Variants in UBOX5 observed in about 807,000 individuals in gnomAD.
UBOX5 encodes RING finger protein 37.
A neutral mutation model predicts 39.0 loss-of-function variants in UBOX5; 28 were observed. The observed-to-expected ratio is 0.72, with a 90% CI of 0.53 to 0.98. The LOEUF is 0.98. UBOX5 is among the 50% of genes least tolerant of loss of function. The probability of loss-of-function intolerance (pLI) is 0.00; values close to 1 mark genes in which losing one functional copy is unlikely to be tolerated. For synonymous variants in UBOX5, 283 were observed against 275.5 expected (o/e 1.03, Z -0.27); for missense variants, 585 against 674.4 (o/e 0.87, Z 1.47).
rs1568470516 is a variant in UBOX5, at chr20:3,121,469, C to A, written c.1170G>T (p.Leu390Phe). 1 of 1,614,008 alleles carries A rather than the reference C, an allele frequency of 6.2e-7. No individual in the cohort carries two copies. The highest frequency in any genetic ancestry group is 2.2e-5 in the East Asian group (1 of 44,870). ...NASCFSATSP[L>F]VLPTTSEHTA... ...TGTGCTCTGAGGTAGTGGGTAAGAC[C>A]AAAGGGCTTGTGGCAGAAAAACAGG... is the stretch of plus-strand genomic sequence containing the variant. The change falls in exon 3 of 5, where the codon TTG (leucine) becomes TTT (phenylalanine). Residue 390 changes from leucine to phenylalanine, a missense_variant. By Grantham distance (22) the Leu-to-Phe change is conservative (BLOSUM62 0). Transcript: ENST00000217173.
chr20:3,155,052 C>CAAAAAAAAAA (rs11326176), intron 1 of UBOX5, among the ~76,000 whole-genome samples: 8 of 96,048 alleles, frequency 8.3e-5, no homozygotes, highest in East Asian at 2.9e-4. Context: ...GACACAGTCT[C>CAAAAAAAAAA]AAAAAAAAAA....
In UBOX5 at chr20:3,137,307, A is replaced by AG. The variant is rs575884693; in HGVS notation, c.-41-13902dup. Among the ~76,000 whole-genome samples the AG allele has an allele frequency of 5.0e-3, 758 of 152,306 alleles. 4 individuals are homozygous for AG. Among genetic ancestry groups the AG allele is most frequent in the African/African-American group, 0.017 (708 of 41,558 alleles). ...TAAAGATAATTGTAGACTCATGTGT[A>AG]GTTGTTAAAAAACAATACAGAGAGA... On this transcript the variant is annotated intron_variant, in intron 1 of 4. Transcript: ENST00000217173.
intron 1 of UBOX5, among the ~76,000 whole-genome samples, chr20:3,140,314 A>G (rs1296531306): frequency 2.0e-5 from 3 of 152,092 alleles, no homozygotes; most frequent in Non-Finnish European, 4.4e-5. Context: ...TGAGTGAGCC[A>G]CCGCACCCAG....
chr20:3,130,374 G>A (rs1379327872), intron 1 of UBOX5, among the ~76,000 whole-genome samples: 1 of 134,592 alleles, frequency 7.4e-6, no homozygotes, highest in Non-Finnish European at 1.5e-5. Flanking sequence ...TCACTATGTT[G>A]CCCAGGCTGG....
In UBOX5 at chr20:3,108,733, G is replaced by C. The variant is rs144137024; in HGVS notation, c.*1373C>G. The C allele has an allele frequency of 6.6e-6, 1 of 151,888 alleles. No homozygotes were observed. The highest frequency in any genetic ancestry group is 2.4e-5 in the African/African-American group (1 of 41,272). The allele number at this position is 151,888 out of a possible 1,614,324, so 9.4% of individuals were successfully genotyped here. On this transcript the variant is annotated 3_prime_UTR_variant, in exon 5 of 5. Transcript: ENST00000217173. Reference sequence around the variant, plus strand: ...GGATCGCTTGAGCCCAGGAGTTTGAGACCAGTCTGGACAACATAGCAAGAC... The same window carrying C: ...GGATCGCTTGAGCCCAGGAGTTTGACACCAGTCTGGACAACATAGCAAGAC...
At chr20:3,139,294 GT>G (rs764682115) in intron 1 of UBOX5, among the ~76,000 whole-genome samples, 1 of 152,198 alleles carries the variant, frequency 6.6e-6, no homozygotes, top group Non-Finnish European at 1.5e-5. Flanking sequence ...GAAGCCTGCA[GT>G]TTTATACCAC....
intron 3 of UBOX5, among the ~76,000 whole-genome samples, chr20:3,120,511 G>A (rs1036719240): frequency 4.6e-5 from 7 of 151,182 alleles, no homozygotes; most frequent in African/African-American, 1.7e-4. Flanking sequence ...AGCCAGGCGT[G>A]GTGGCGGGCG....
Position 3,149,081 on chromosome 20 carries a change from G to T in UBOX5, c.-42+10685C>A. ...GAGAGTAGCTGCCATTCTGGTGTCA[G>T]TATTGATCTCTTTGGCAGTCAGAAT... On this transcript the variant is annotated intron_variant, in intron 1 of 4. Transcript: ENST00000217173. This position sits in a 1 kb window ranked among gnomAD's most constrained non-coding sequence, Gnocchi z 4.1. 1 of 1,598,410 alleles carries T rather than the reference G, an allele frequency of 6.3e-7. No individual in the cohort carries two copies. Among genetic ancestry groups the T allele is most frequent in the Non-Finnish European group, 8.5e-7 (1 of 1,171,878 alleles).
intron 1 of UBOX5, among the ~76,000 whole-genome samples, chr20:3,155,903 A>C (rs903798770): frequency 6.6e-6 from 1 of 152,222 alleles, no homozygotes; most frequent in Non-Finnish European, 1.5e-5. Flanking sequence ...CTCTATAGAA[A>C]CTGTATCTAC....
rs539053077 is a variant in UBOX5 at position 3,143,184 on chromosome 20, T to C, written c.-42+16582A>G. Among the ~76,000 whole-genome samples, 196 of 139,262 alleles carry C rather than the reference T, an allele frequency of 1.4e-3. 1 individual carries two copies. Among genetic ancestry groups the C allele is most frequent in the African/African-American group, 5.0e-3 (189 of 37,506 alleles). The allele number at this position is 139,262 out of a possible 152,430, so 91.4% of individuals were successfully genotyped here. A position where few individuals can be genotyped will look rare whatever the true frequency, so the allele number is the denominator to read the frequency against. ...GTACAGTGGCATGATCTCAACTCAA[T>C]GCAACCTCTCTGCCTCCTAGGCTCA... is the stretch of plus-strand genomic sequence containing the variant. On this transcript the variant is annotated intron_variant, in intron 1 of 4. Coordinates refer to ENST00000217173, the MANE Select transcript of UBOX5 (RefSeq NM_014948.4).
At chr20:3,146,950 A>G (rs774739229) in intron 1 of UBOX5, 26 of 1,614,074 alleles carry the variant, frequency 1.6e-5, no homozygotes, top group Non-Finnish European at 2.1e-5. Flanking sequence ...AGCCATAGCA[A>G]TACTGGTTCC....
In UBOX5 at chr20:3,110,220, G is replaced by T; in HGVS notation, c.1512C>A (p.Cys504Ter). ...GGCAGGGTCGGCACAGGAGGTGGCC[G>T]CAGGGCAGCTGGTACACCGGCTCCT... is the stretch of plus-strand genomic sequence containing the variant. ...FKKEPVYQLP[C>*]GHLLCRPCLG... The change falls in exon 5 of 5, where the codon TGC (cysteine) becomes TGA (stop). Residue 504 changes from cysteine (C) to a stop codon, truncating the protein, a stop_gained. Coordinates refer to ENST00000217173, the MANE Select transcript of UBOX5 (RefSeq NM_014948.4). LOFTEE classifies it high-confidence loss of function. The T allele has an allele frequency of 1.2e-6, 2 of 1,614,042 alleles. No homozygotes were observed. The highest frequency in any genetic ancestry group is 1.7e-6 in the Non-Finnish European group (2 of 1,180,014).
At chr20:3,144,443 G>T (rs1467672233) in intron 1 of UBOX5, among the ~76,000 whole-genome samples, 1 of 152,120 alleles carries the variant, frequency 6.6e-6, no homozygotes, top group Non-Finnish European at 1.5e-5. Flanking sequence ...GCAAAAGAAT[G>T]AAGTTGGACT....
At chr20:3,125,076 C>T (rs1053396525) in intron 1 of UBOX5, among the ~76,000 whole-genome samples, 2 of 148,946 alleles carry the variant, frequency 1.3e-5, no homozygotes, top group Non-Finnish European at 3.0e-5. Context: ...GCCTGGCCGC[C>T]CCATCTGGGA....
At chr20:3,111,162 C>T (rs937589246) in intron 4 of UBOX5, among the ~76,000 whole-genome samples, 1 of 152,236 alleles carries the variant, frequency 6.6e-6, no homozygotes, top group African/African-American at 2.4e-5. Flanking sequence ...ACCCACGGCT[C>T]TTCCTTTCCT....
Position 3,157,119 on chromosome 20 carries a change from C to A in UBOX5, c.-42+2647G>T, listed in dbSNP as rs115161444. ...CTACCAAAAAAAAAGGGCAAAAAAACCGAACTTTCTCTAGGTGCTGAGGTA... is the reference window on the plus strand; with the variant it reads ...CTACCAAAAAAAAAGGGCAAAAAAAACGAACTTTCTCTAGGTGCTGAGGTA... On this transcript the variant is annotated intron_variant, in intron 1 of 4. Transcript: ENST00000217173. Among the ~76,000 whole-genome samples the A allele has an allele frequency of 8.9e-3, 1,355 of 152,160 alleles. 26 individuals carry two copies. Among genetic ancestry groups the A allele is most frequent in the African/African-American group, 0.029 (1,209 of 41,504 alleles).
intron 1 of UBOX5, among the ~76,000 whole-genome samples, chr20:3,123,762 G>A (rs1423653983): frequency 3.3e-5 from 5 of 152,154 alleles, no homozygotes; most frequent in African/African-American, 1.2e-4. Context: ...CAGAGTGTTC[G>A]GAATGGAAAG....
intron 1 of UBOX5, among the ~76,000 whole-genome samples, chr20:3,157,098 C>CA (rs5839988): frequency 1.1e-4 from 17 of 150,818 alleles, no homozygotes; most frequent in East Asian, 7.8e-4. Flanking sequence ...CTGTCTCTAC[C>CA]AAAAAAAAAG....
chr20:3,110,841 G>GAAAA, intron 4 of UBOX5: 1 of 98,818 alleles, frequency 1.0e-5, no homozygotes, highest in East Asian at 3.1e-4. Context: ...CTACAAAAAA[G>GAAAA]AAAAAAAAAA....
Sources: gnomAD v4.1 joint callset for allele counts (sites outside exome capture counted in the v4.1 genomes callset) on GRCh38, gnomAD v4.1.1 for gene constraint, Gnocchi (gnomAD v3.1) non-coding constraint, MANE v1.5 for transcripts, NCBI Gene and HGNC (gene_info 2026-07-23, HGNC 2026-07-21) for gene names.